FRMD3: variants seen among roughly 807,000 people sequenced by gnomAD.
FRMD3 encodes the protein FERM domain-containing protein 3.
In FRMD3, 33 loss-of-function variants were observed where a neutral mutation model predicts 70.2. The observed-to-expected ratio is 0.47, with a 90% CI of 0.36 to 0.63. The LOEUF is 0.63. Among genes scored for constraint, FRMD3 ranks in the 20% least tolerant of loss-of-function variants. The pLI is 0.00. For synonymous variants in FRMD3, 279 were observed against 255.9 expected (o/e 1.09, Z -0.86); for missense variants, 632 against 711.4 (o/e 0.89, Z 1.27).
chr9:83,318,757 T>C (rs1328222670), intron 6 of FRMD3, among the ~76,000 whole-genome samples: 1 of 152,204 alleles, frequency 6.6e-6, no homozygotes, highest in African/African-American at 2.4e-5. Flanking sequence ...TTAATTTACA[T>C]TCCTACCAAC....
intron 3 of FRMD3, among the ~76,000 whole-genome samples, chr9:83,359,551 T>C (rs1324815945): frequency 6.6e-6 from 1 of 152,182 alleles, no homozygotes; most frequent in East Asian, 1.9e-4. Flanking sequence ...TCGAGTTTTC[T>C]GTCTCAACGA....
chr9:83,432,935 C>T (rs1827024797), intron 1 of FRMD3, among the ~76,000 whole-genome samples: 1 of 152,182 alleles, frequency 6.6e-6, no homozygotes, highest in East Asian at 1.9e-4. Context: ...TACAACTCTG[C>T]ATGCCTTTGC....
chr9:83,290,773 G>A (rs373539009), intron 12 of FRMD3, 46 bp from the exon 13 acceptor site: 5 of 1,558,216 alleles, frequency 3.2e-6, no homozygotes, highest in Non-Finnish European at 4.3e-6. Context: ...CATCACAAAT[G>A]CTGGCCCCTC....
chr9:83,449,536 T>C, intron 1 of FRMD3, among the ~76,000 whole-genome samples: 1 of 152,064 alleles, frequency 6.6e-6, no homozygotes, highest in East Asian at 1.9e-4. Flanking sequence ...CACAGTGAGG[T>C]TTCTGCAGGC....
At chr9:83,330,714 T>C (rs1490765134) in intron 6 of FRMD3, among the ~76,000 whole-genome samples, 1 of 152,226 alleles carries the variant, frequency 6.6e-6, no homozygotes, top group Non-Finnish European at 1.5e-5. Context: ...ATATCTGCTT[T>C]TGCTTTACCA....
intron 10 of FRMD3, among the ~76,000 whole-genome samples, chr9:83,308,766 T>C (rs1223462337): frequency 1.3e-5 from 2 of 152,170 alleles, no homozygotes; most frequent in Non-Finnish European, 2.9e-5. Context: ...ATTCCACCCA[T>C]AAACCTTTGG....
At chr9:83,380,800 C>G (rs934732224) in intron 2 of FRMD3, among the ~76,000 whole-genome samples, 8 of 152,158 alleles carry the variant, frequency 5.3e-5, no homozygotes, top group African/African-American at 1.9e-4. Flanking sequence ...GTACCCTAAG[C>G]CAGAGTAATT....
chr9:83,336,024 G>A (rs1279706110), intron 5 of FRMD3, among the ~76,000 whole-genome samples: 1 of 152,118 alleles, frequency 6.6e-6, no homozygotes, highest in African/African-American at 2.4e-5. Context: ...AGCAGACCCA[G>A]GCACTGTGAC....
intron 2 of FRMD3, among the ~76,000 whole-genome samples, chr9:83,376,693 G>A (rs931798714): frequency 1.3e-5 from 2 of 148,588 alleles, no homozygotes; most frequent in African/African-American, 5.0e-5. Context: ...CTCCCACCTT[G>A]GTCTCCCAAA....
chr9:83,411,678 G>A (rs11140068), intron 1 of FRMD3, among the ~76,000 whole-genome samples: 18,282 of 152,180 alleles, frequency 0.12, 1,321 homozygotes, highest in African/African-American at 0.19. Context: ...TAATAACTTC[G>A]ATGAGAAGTA....
At chr9:83,477,221 G>C (rs1489533450) in intron 1 of FRMD3, among the ~76,000 whole-genome samples, 1 of 152,186 alleles carries the variant, frequency 6.6e-6, no homozygotes, top group Non-Finnish European at 1.5e-5. Context: ...CACCGGCCCA[G>C]TGTAGGAACT....
chr9:83,409,069 C>A (rs1245829695), intron 1 of FRMD3, among the ~76,000 whole-genome samples: 1 of 152,156 alleles, frequency 6.6e-6, no homozygotes, highest in African/African-American at 2.4e-5. Context: ...CAGTTCCATG[C>A]AGGTCAGCAG....
chr9:83,568,955 G>GATACATACATACATACATAC, the FRMD3 span, among the ~76,000 whole-genome samples: 22 of 130,748 alleles, frequency 1.7e-4, no homozygotes, highest in African/African-American at 5.2e-4. Flanking sequence ...TAGATAGATA[G>GATACATACATACATACATAC]ATACATACAT....
At chr9:83,325,672 A>G (rs1448827037) in intron 6 of FRMD3, among the ~76,000 whole-genome samples, 3 of 152,164 alleles carry the variant, frequency 2.0e-5, no homozygotes, top group African/African-American at 4.8e-5. Context: ...AAACATTGCC[A>G]TTTATCAATG....
chr9:83,346,242 CA>C lies in FRMD3; in HGVS notation c.375-2956del, dbSNP rs78614717. The stretch of plus-strand genomic sequence containing the variant: ...CTGCACTCCAGCCTGAGCGACAGAG[CA>C]AGACGCCATCTCAAAAAAAAAAAAA... On this transcript the variant is annotated intron_variant, in intron 4 of 13. Coordinates refer to ENST00000304195, the MANE Select transcript of FRMD3 (RefSeq NM_174938.6). 7.0e-4 allele frequency among the ~76,000 whole-genome samples: 78 copies of C among 110,794 alleles called. No individual in the cohort carries two copies. The East Asian group carries it at 0.019, about 27-fold the overall frequency. 72.7% of individuals were successfully genotyped at this position (110,794 alleles called of 152,430 possible).
chr9:83,437,749 A>C (rs1354004225), intron 1 of FRMD3, among the ~76,000 whole-genome samples: 1 of 152,198 alleles, frequency 6.6e-6, no homozygotes. Flanking sequence ...GTAGAACAAA[A>C]TACAAAGAAA....
intron 5 of FRMD3, 77 bp downstream of exon 5, chr9:83,343,113 T>G (rs1587746561): frequency 1.9e-6 from 2 of 1,032,538 alleles, no homozygotes; most frequent in Non-Finnish European, 1.5e-6. Context: ...TGGCCACGGG[T>G]GGGAGAGAAG....
At chr9:83,286,116 CTG>C (rs1375019278) in intron 13 of FRMD3, among the ~76,000 whole-genome samples, 2 of 152,192 alleles carry the variant, frequency 1.3e-5, no homozygotes, top group African/African-American at 2.4e-5. Context: ...CTCTGCCCAG[CTG>C]TCTTTGAGAA....
chr9:83,543,169 G>A (rs932022719), upstream of FRMD3, among the ~76,000 whole-genome samples: 1 of 151,864 alleles, frequency 6.6e-6, no homozygotes, highest in African/African-American at 2.4e-5. Context: ...AAGAACCAAA[G>A]TTAGAGGTGA....
Sources: allele counts gnomAD v4.1 joint callset (sites outside exome capture counted in the v4.1 genomes callset), GRCh38; gene constraint gnomAD v4.1.1; transcripts MANE v1.5; gene names NCBI Gene and HGNC (gene_info 2026-07-23, HGNC 2026-07-21).